WWOX: variants seen among roughly 807,000 people sequenced by gnomAD.
WWOX encodes the protein WW domain-containing oxidoreductase.
In WWOX, 69 loss-of-function variants were observed where a neutral mutation model predicts 46.2. The ratio of observed to expected loss-of-function variants is 1.49; its 90% confidence interval spans 1.23 to 1.82. WWOX has a LOEUF of 1.82. WWOX is among the 40% of genes most tolerant of loss of function. WWOX has a pLI of 0.00. For synonymous variants in WWOX, 359 were observed against 202.6 expected (o/e 1.77, Z -6.56); for missense variants, 919 against 542.6 (o/e 1.69, Z -6.89).
chr16:78,767,618 G>A (rs2049955946), intron 8 of WWOX, among the ~76,000 whole-genome samples: 1 of 152,202 alleles, frequency 6.6e-6, no homozygotes, highest in East Asian at 1.9e-4. Flanking sequence ...TCGTATCTGT[G>A]TGCTTAACCT....
intron 8 of WWOX, among the ~76,000 whole-genome samples, chr16:78,548,342 GAA>G (rs34099700): frequency 1.3e-5 from 2 of 149,470 alleles, no homozygotes; most frequent in African/African-American, 2.5e-5. Flanking sequence ...TGTTCCTAAA[GAA>G]AAAAAAAATC....
At chr16:78,360,939 G>C (rs1200891705) in intron 5 of WWOX, among the ~76,000 whole-genome samples, 1 of 151,886 alleles carries the variant, frequency 6.6e-6, no homozygotes, top group African/African-American at 2.4e-5. Context: ...TCCCACCTCA[G>C]TCTCCTGAGT....
chr16:78,657,126 C>T (rs2047099165), intron 8 of WWOX, among the ~76,000 whole-genome samples: 1 of 152,120 alleles, frequency 6.6e-6, no homozygotes, highest in Non-Finnish European at 1.5e-5. Flanking sequence ...CCACTTTGGC[C>T]CCTGCGTCAC....
chr16:79,062,337 A>T (rs1338144255), intron 8 of WWOX, among the ~76,000 whole-genome samples: 1 of 152,146 alleles, frequency 6.6e-6, no homozygotes, highest in African/African-American at 2.4e-5. Context: ...CTTCAGTTGG[A>T]TGGAGAAAAG....
chr16:78,924,810 A>G (rs1220249217), intron 8 of WWOX, among the ~76,000 whole-genome samples: 2 of 152,176 alleles, frequency 1.3e-5, no homozygotes, highest in Non-Finnish European at 2.9e-5. Context: ...TTAGACTACT[A>G]GTGATTGTTG....
At position 78,703,339 on chromosome 16, in the gene WWOX, G is replaced by A. The variant is rs544303728; in HGVS notation, c.1056+270587G>A. ...TCTAACAAAATGGGAGTTAAGGCCG[G>A]GCATGGTGGCTCCTACTTGTCATTC... On this transcript the variant is annotated intron_variant, in intron 8 of 8. Transcript: ENST00000566780. 6.6e-5 allele frequency among the ~76,000 whole-genome samples: 10 copies of A among 152,240 alleles called. No individual in the cohort carries two copies. The East Asian group carries it at 1.9e-3, about 29-fold the overall frequency.
At chr16:78,777,764 C>T (rs1021702591) in intron 8 of WWOX, among the ~76,000 whole-genome samples, 7 of 152,214 alleles carry the variant, frequency 4.6e-5, no homozygotes, top group South Asian at 4.1e-4. Context: ...ACTCACATTT[C>T]GACTGGGCCT....
At chr16:78,922,984 C>CTTTCT in intron 8 of WWOX, among the ~76,000 whole-genome samples, 1 of 141,558 alleles carries the variant, frequency 7.1e-6, no homozygotes, top group Non-Finnish European at 1.5e-5. Context: ...TTTCTCTTTT[C>CTTTCT]TTTTTTTTTT....
intron 5 of WWOX, among the ~76,000 whole-genome samples, chr16:78,233,524 ATTTT>A (rs36007148): frequency 4.8e-5 from 6 of 126,004 alleles, no homozygotes; most frequent in Non-Finnish European, 3.3e-5. Flanking sequence ...TGATGATTAA[ATTTT>A]TTTTTTTTTT....
chr16:78,510,852 T>A lies in WWOX; in HGVS notation c.1056+78100T>A, dbSNP rs546616155. On this transcript the variant is annotated intron_variant, in intron 8 of 8. Transcript: ENST00000566780. ...ATCAGCTGCTAACTTTCAAGGATGT[T>A]TGAGGATGCATGACCTGTGCAATGC... Among the ~76,000 whole-genome samples the A allele has an allele frequency of 4.5e-4, 68 of 152,350 alleles. 1 individual carries two copies. The highest frequency in any genetic ancestry group is 1.6e-3 in the African/African-American group (65 of 41,592).
At chr16:78,420,245 C>T (rs1422240475) in intron 6 of WWOX, among the ~76,000 whole-genome samples, 1 of 152,002 alleles carries the variant, frequency 6.6e-6, no homozygotes, top group Non-Finnish European at 1.5e-5. Flanking sequence ...TACCATATGA[C>T]CCAATAATCC....
intron 5 of WWOX, among the ~76,000 whole-genome samples, chr16:78,293,565 G>A (rs998657922): frequency 6.6e-6 from 1 of 152,056 alleles, no homozygotes; most frequent in Non-Finnish European, 1.5e-5. Context: ...TTCCCCTCCC[G>A]TGCTGGTGGG....
intron 8 of WWOX, among the ~76,000 whole-genome samples, chr16:79,174,945 G>A (rs1173832280): frequency 1.3e-5 from 2 of 152,100 alleles, no homozygotes; most frequent in African/African-American, 4.8e-5. Flanking sequence ...GTAACCCTGA[G>A]GACTTGGTAT....
At chr16:78,664,899 A>T (rs1035859707) in intron 8 of WWOX, among the ~76,000 whole-genome samples, 1 of 152,250 alleles carries the variant, frequency 6.6e-6, no homozygotes, top group Non-Finnish European at 1.5e-5. Context: ...ATAGGCACTT[A>T]CAATGTGACT....
At chr16:78,592,840 A>G (rs575531443) in intron 8 of WWOX, among the ~76,000 whole-genome samples, 10 of 152,280 alleles carry the variant, frequency 6.6e-5, no homozygotes, top group East Asian at 1.9e-4. Context: ...CATTGCTTCT[A>G]TCTTCATGAT....
intron 5 of WWOX, among the ~76,000 whole-genome samples, chr16:78,329,495 G>A (rs1442756375): frequency 6.6e-6 from 1 of 152,148 alleles, no homozygotes; most frequent in Non-Finnish European, 1.5e-5. Context: ...TGGCAAATGT[G>A]ACCTACCTTT....
At chr16:79,067,235 G>A (rs943605350) in intron 8 of WWOX, among the ~76,000 whole-genome samples, 1 of 152,148 alleles carries the variant, frequency 6.6e-6, no homozygotes, top group Admixed American at 6.5e-5. Flanking sequence ...TATCGAGAAC[G>A]ATTGCTTTAA....
intron 5 of WWOX, among the ~76,000 whole-genome samples, chr16:78,183,241 A>C (rs2035589024): frequency 6.6e-6 from 1 of 152,124 alleles, no homozygotes; most frequent in African/African-American, 2.4e-5. Flanking sequence ...ACCACCCACT[A>C]GGGGTCTATG....
chr16:78,395,851 C>A (rs2082273345), intron 6 of WWOX, among the ~76,000 whole-genome samples: 2 of 152,030 alleles, frequency 1.3e-5, no homozygotes, highest in Admixed American at 6.6e-5. Context: ...TCACAGTTTT[C>A]TTTCGGAGTA....
Sources: gnomAD v4.1 joint callset for allele counts (sites outside exome capture counted in the v4.1 genomes callset) on GRCh38, gnomAD v4.1.1 for gene constraint, MANE v1.5 for transcripts, NCBI Gene and HGNC (gene_info 2026-07-23, HGNC 2026-07-21) for gene names.